Variants in DNAH5 observed in about 807,000 individuals in gnomAD.
DNAH5 encodes dynein axonemal heavy chain 5.
Under a neutral mutation model 518.2 loss-of-function variants are expected in DNAH5, and 372 were observed. The observed-to-expected ratio is 0.72, with a 90% CI of 0.66 to 0.78. DNAH5 has a LOEUF of 0.78. DNAH5 is among the 30% of genes least tolerant of loss of function. The pLI, the probability that DNAH5 is intolerant of heterozygous loss-of-function variation, is 0.00. For missense variants in DNAH5, 5,523 were observed against 5,687.0 expected, an observed-to-expected ratio of 0.97 and a Z score of 0.93; for synonymous variants, 2,039 against 2,025.9, an observed-to-expected ratio of 1.01 and a Z score of -0.17.
chr5:13,783,090 T>C (rs1451024944), intron 52 of DNAH5, among the ~76,000 whole-genome samples: 1 of 152,074 alleles, frequency 6.6e-6, no homozygotes, highest in Admixed American at 6.5e-5. Flanking sequence ...AGGTATGTCT[T>C]AGGTGCAGAG....
At chr5:13,859,424 G>C in intron 30 of DNAH5, 28 bp downstream of exon 30, 1 of 1,613,392 alleles carries the variant, frequency 6.2e-7, no homozygotes, top group Non-Finnish European at 8.5e-7. Context: ...TGAAAAATCT[G>C]ATGAAATCAT....
chr5:13,958,919 T>C (rs1780959083), intron 1 of DNAH5, among the ~76,000 whole-genome samples: 1 of 152,168 alleles, frequency 6.6e-6, no homozygotes, highest in Non-Finnish European at 1.5e-5. Context: ...ATGTCAGAAA[T>C]TAATCATGAA....
chr5:13,702,968 A>G (rs115460129), intron 76 of DNAH5, among the ~76,000 whole-genome samples: 1 of 151,298 alleles, frequency 6.6e-6, no homozygotes, highest in Non-Finnish European at 1.5e-5. Context: ...CTCTCTGTGC[A>G]GCCCCCAACC....
chr5:13,884,155 A>C (rs1042896096), intron 19 of DNAH5, among the ~76,000 whole-genome samples: 7 of 152,170 alleles, frequency 4.6e-5, no homozygotes, highest in African/African-American at 1.7e-4. Context: ...AACCACCTGG[A>C]AAGTACTAAA....
Position 14,011,129 on chromosome 5 carries a change from G to A in DNAH5, c.12+519C>T, listed in dbSNP as rs201280401. Among the ~76,000 whole-genome samples, 3 of 152,242 alleles carry A rather than the reference G, an allele frequency of 2.0e-5. No homozygotes were observed. The East Asian group carries it at 5.8e-4, about 29-fold the overall frequency. Reference sequence around the variant, plus strand: ...AGACAGAAAGAACCCACCCAGCGGGGCTTTCTCTGCACACCATACCCCTCC... The same window carrying A: ...AGACAGAAAGAACCCACCCAGCGGGACTTTCTCTGCACACCATACCCCTCC... On this transcript the variant is annotated intron_variant, in intron 1 of 78. Transcript: ENST00000681290.
At chr5:13,824,844 A>C (rs1451924700) in intron 38 of DNAH5, among the ~76,000 whole-genome samples, 1 of 152,194 alleles carries the variant, frequency 6.6e-6, no homozygotes, top group East Asian at 1.9e-4. Flanking sequence ...ATAAGGACAA[A>C]TTAGAAAGCT....
intron 12 of DNAH5, among the ~76,000 whole-genome samples, chr5:13,905,164 C>T (rs1185295673): frequency 6.6e-6 from 1 of 152,188 alleles, no homozygotes; most frequent in African/African-American, 2.4e-5. Flanking sequence ...AATATATACA[C>T]AGATTTTTAG....
At chr5:13,994,370 C>T (rs1028144136) in intron 1 of DNAH5, among the ~76,000 whole-genome samples, 2 of 152,102 alleles carry the variant, frequency 1.3e-5, no homozygotes, top group African/African-American at 2.4e-5. Flanking sequence ...TAGAAGAGTA[C>T]GATCATCATT....
intron 62 of DNAH5, among the ~76,000 whole-genome samples, chr5:13,754,001 A>G (rs1478062027): frequency 6.6e-6 from 1 of 151,458 alleles, no homozygotes; most frequent in Non-Finnish European, 1.5e-5. Context: ...GGCTGGAGGC[A>G]CACACACACA....
At chr5:13,856,946 C>T (rs1004792918) in intron 30 of DNAH5, among the ~76,000 whole-genome samples, 6 of 152,052 alleles carry the variant, frequency 3.9e-5, no homozygotes, top group African/African-American at 9.7e-5. Flanking sequence ...TTTTGAAAAC[C>T]GACACAAGAC....
chr5:13,740,673 G>A (rs1748373903), intron 65 of DNAH5, among the ~76,000 whole-genome samples: 1 of 152,194 alleles, frequency 6.6e-6, no homozygotes. Flanking sequence ...AAACACACAA[G>A]GAACTCTCTT....
rs70964513 is a variant in DNAH5, at chr5:13,875,465, C to CAAAA, written c.3396+1215_3396+1218dup. 9.4e-5 allele frequency among the ~76,000 whole-genome samples: 10 copies of CAAAA among 105,962 alleles called. 1 individual carries two copies. Among genetic ancestry groups the CAAAA allele is most frequent in the East Asian group, 2.9e-4 (1 of 3,460 alleles). 69.5% of individuals were successfully genotyped at this position (105,962 alleles called of 152,430 possible). On this transcript the variant is annotated intron_variant, in intron 22 of 78. Coordinates refer to ENST00000265104, the MANE Select transcript of DNAH5 (RefSeq NM_001369.3). ...CTAGGCAGCAAGAGTGAAACTCCTT[C>CAAAA]AAAAAAAAAAAAAAAAAAAAAGACA...
chr5:13,811,980 G>A (rs899195439), intron 43 of DNAH5, among the ~76,000 whole-genome samples, 157 bp from the exon 44 acceptor site: 1 of 152,088 alleles, frequency 6.6e-6, no homozygotes, highest in African/African-American at 2.4e-5. Flanking sequence ...ACTCTTCCAC[G>A]TATTAATTCA....
intron 1 of DNAH5, among the ~76,000 whole-genome samples, chr5:13,985,430 AATATATATATATATATATATAT>A (rs145568740): frequency 2.4e-5 from 3 of 127,346 alleles, no homozygotes; most frequent in Non-Finnish European, 5.1e-5. Flanking sequence ...AGTATAATAA[AATATATATATATATATATATAT>A]ATATATATAT....
intron 45 of DNAH5, 72 bp downstream of exon 45, chr5:13,809,987 A>G: frequency 2.2e-6 from 3 of 1,350,810 alleles, no homozygotes; most frequent in Non-Finnish European, 3.1e-6. Context: ...AAAAATATAT[A>G]TGGTGTAAAT....
intron 1 of DNAH5, among the ~76,000 whole-genome samples, chr5:14,010,696 T>C (rs1785055451): frequency 6.6e-6 from 1 of 152,150 alleles, no homozygotes; most frequent in African/African-American, 2.4e-5. Flanking sequence ...AATATGTGTC[T>C]ACCATAAAAG....
In DNAH5 at chr5:13,882,728, C is replaced by A; in HGVS notation, c.3262G>T (p.Asp1088Tyr). 6.2e-7 allele frequency: 1 copy of A among 1,609,780 alleles called. No homozygotes were observed. Among genetic ancestry groups the A allele is most frequent in the South Asian group, 1.1e-5 (1 of 90,948 alleles). ...DVEMGENELQDTLEIASVNLP... is the reference protein window; with the variant it reads ...DVEMGENELQYTLEIASVNLP... Reference sequence around the variant, plus strand: ...TTTAAAAGACTAAAAGAACATTTACCTTGAAGTTCATTTTCTCCCATTTCA... The same window carrying A: ...TTTAAAAGACTAAAAGAACATTTACATTGAAGTTCATTTTCTCCCATTTCA... Residue 1088 changes from aspartate to tyrosine, a missense_variant and splice_region_variant, in exon 21 of 79, where the codon GAT (aspartate) becomes TAT (tyrosine). Physicochemically the swap from Asp to Tyr is radical, Grantham distance 160 (BLOSUM62 -3). This residue lies in a region of DNAH5 where 5,121 missense variants were observed against 5,223.3 expected (regional missense o/e 0.98). Coordinates refer to ENST00000265104, the MANE Select transcript of DNAH5 (RefSeq NM_001369.3).
Position 13,714,631 on chromosome 5 carries a change from G to A in DNAH5, c.12910-11C>T, listed in dbSNP as rs30175. ...ATAGGCAGGCAAACTCTGAACAACA[G>A]ACACCCCAGATAAGCACAGACTGCC... On this transcript the variant is annotated splice_polypyrimidine_tract_variant and intron_variant, in intron 74 of 78. Coordinates refer to ENST00000265104, the MANE Select transcript of DNAH5 (RefSeq NM_001369.3). 0.41 allele frequency: 663,106 copies of A among 1,612,616 alleles called. 137,296 individuals carry two copies. Among genetic ancestry groups the A allele is most frequent in the South Asian group, 0.45 (41,245 of 91,020 alleles).
intron 1 of DNAH5, among the ~76,000 whole-genome samples, chr5:13,986,039 G>T (rs1457602418): frequency 2.0e-5 from 3 of 152,216 alleles, no homozygotes; most frequent in African/African-American, 7.2e-5. Context: ...GCCCCCTGCT[G>T]TACTCCTTGG....
Sources: gnomAD v4.1 joint callset for allele counts (sites outside exome capture counted in the v4.1 genomes callset) on GRCh38, gnomAD v4.1.1 for gene constraint, gnomAD v4.1.1 regional missense constraint, MANE v1.5 for transcripts, NCBI Gene and HGNC (gene_info 2026-07-23, HGNC 2026-07-21) for gene names.